ACOXL: variants seen among roughly 807,000 people sequenced by gnomAD.
The protein encoded by ACOXL is acyl-coenzyme A oxidase-like protein.
Under a neutral mutation model 71.9 loss-of-function variants are expected in ACOXL, and 70 were observed. The ratio of observed to expected loss-of-function variants is 0.97; its 90% CI spans 0.80 to 1.19. The LOEUF (loss-of-function observed/expected upper bound fraction) is 1.19. Ranked by LOEUF, ACOXL falls within the 50% of genes most tolerant of loss-of-function variation. The probability of loss-of-function intolerance (pLI) is 0.00; values close to 1 mark genes in which losing one functional copy is unlikely to be tolerated. For synonymous variants in ACOXL, 253 were observed against 281.6 expected (o/e 0.90, Z 1.02); for missense variants, 703 against 736.3 (o/e 0.95, Z 0.52).
intron 12 of ACOXL, among the ~76,000 whole-genome samples, chr2:110,976,064 G>A (rs933578169): frequency 7.2e-5 from 11 of 152,140 alleles, no homozygotes; most frequent in East Asian, 1.9e-4. Context: ...GGAGATTGGC[G>A]GGACCCATTG....
At chr2:110,787,683 G>C (rs558635146) in intron 3 of ACOXL, among the ~76,000 whole-genome samples, 2 of 152,180 alleles carry the variant, frequency 1.3e-5, no homozygotes, top group East Asian at 3.9e-4. Context: ...GTGTGGCCCT[G>C]GTCACATCTG....
chr2:110,819,117 A>G (rs1559304119), intron 9 of ACOXL, among the ~76,000 whole-genome samples: 1 of 152,174 alleles, frequency 6.6e-6, no homozygotes, highest in Non-Finnish European at 1.5e-5. Flanking sequence ...TTGCTGGAGC[A>G]TGTGTGGATG....
intron 1 of ACOXL, among the ~76,000 whole-genome samples, chr2:110,749,947 T>G (rs1257835480): frequency 6.6e-6 from 1 of 152,224 alleles, no homozygotes; most frequent in Non-Finnish European, 1.5e-5. Flanking sequence ...GTTTGTCAAA[T>G]GTCTCTCAAT....
chr2:111,099,231 GAGA>G (rs1210501952), intron 17 of ACOXL: 6 of 152,246 alleles, frequency 3.9e-5, no homozygotes, highest in African/African-American at 7.2e-5. Context: ...GGCCCCACAA[GAGA>G]AGGAGTTGGG....
intron 9 of ACOXL, among the ~76,000 whole-genome samples, chr2:110,836,575 C>G (rs547262557): frequency 2.0e-4 from 31 of 152,190 alleles, no homozygotes; most frequent in Admixed American, 2.0e-3. Context: ...GCCCTGTTTG[C>G]ATGGTATTCT....
At chr2:110,741,543 G>A (rs904684392) in intron 1 of ACOXL, among the ~76,000 whole-genome samples, 1 of 152,102 alleles carries the variant, frequency 6.6e-6, no homozygotes, top group South Asian at 2.1e-4. Context: ...GAAGTTACAC[G>A]TGCACCCGCG....
intron 10 of ACOXL, among the ~76,000 whole-genome samples, chr2:110,876,694 A>T (rs1695951230): frequency 6.6e-6 from 1 of 152,204 alleles, no homozygotes; most frequent in Admixed American, 6.5e-5. Context: ...ATGGCGACGA[A>T]TTTAACACAC....
At chr2:111,076,498 G>A (rs749995524) in intron 16 of ACOXL, among the ~76,000 whole-genome samples, 8 of 151,656 alleles carry the variant, frequency 5.3e-5, no homozygotes, top group Non-Finnish European at 1.0e-4. Context: ...TTATTTTTTG[G>A]TACACAACTT....
intron 9 of ACOXL, among the ~76,000 whole-genome samples, chr2:110,811,923 G>A (rs1687383928): frequency 1.3e-5 from 2 of 152,096 alleles, no homozygotes; most frequent in African/African-American, 4.8e-5. Flanking sequence ...TCTTGGACTT[G>A]ACCACCAGAG....
At position 110,841,381 on chromosome 2, in the gene ACOXL, C is replaced by A. The variant is rs1554005; in HGVS notation, c.764C>A (p.Thr255Lys). Residue 255 changes from threonine (T) to lysine (K), a missense_variant, in exon 10 of 18, where the codon ACG becomes AAG. Transcript: ENST00000439055. ...QAMGAMKLGL[T>K]IAIRYSHSRR... ...TCTTTTTAATTACAGCTTGGGTTGA[C>A]GATAGCCATTCGCTATAGCCACAGG... The A allele has an allele frequency of 3.7e-6, 6 of 1,606,212 alleles. No individual in the cohort carries two copies. In the African/African-American group the frequency reaches 5.4e-5, roughly 14 times the overall value.
chr2:110,969,509 T>C (rs2062082918), intron 12 of ACOXL, among the ~76,000 whole-genome samples: 2 of 152,038 alleles, frequency 1.3e-5, no homozygotes, highest in African/African-American at 2.4e-5. Flanking sequence ...GATCATGAAG[T>C]CATTAAAAAA....
At chr2:111,084,947 C>T (rs1191486239) in intron 16 of ACOXL, among the ~76,000 whole-genome samples, 1 of 142,374 alleles carries the variant, frequency 7.0e-6, no homozygotes, top group Non-Finnish European at 1.5e-5. Flanking sequence ...TCAGACAAAA[C>T]ATACTTTAAA....
intron 17 of ACOXL, among the ~76,000 whole-genome samples, 171 bp downstream of exon 17, chr2:111,093,137 G>C (rs920685592): frequency 6.6e-6 from 1 of 150,828 alleles, no homozygotes; most frequent in African/African-American, 2.4e-5. Flanking sequence ...ACACTTAAGA[G>C]TTTAGGTGAC....
intron 12 of ACOXL, among the ~76,000 whole-genome samples, chr2:110,977,411 A>G (rs536964192): frequency 6.6e-6 from 1 of 151,926 alleles, no homozygotes; most frequent in Admixed American, 6.6e-5. Context: ...AACACAAAAA[A>G]CTTCTCTCCT....
chr2:110,820,046 A>T (rs1688414421), intron 9 of ACOXL, among the ~76,000 whole-genome samples: 1 of 152,132 alleles, frequency 6.6e-6, no homozygotes. Context: ...CGTGCCTGAC[A>T]CTCAGGGGCT....
At chr2:110,946,426 A>G (rs1389689011) in intron 12 of ACOXL, among the ~76,000 whole-genome samples, 2 of 152,180 alleles carry the variant, frequency 1.3e-5, no homozygotes, top group African/African-American at 2.4e-5. Flanking sequence ...TATGCTGAAT[A>G]TAAGTGGTGA....
intron 9 of ACOXL, among the ~76,000 whole-genome samples, chr2:110,831,149 G>A (rs1689779596): frequency 6.6e-6 from 1 of 152,008 alleles, no homozygotes; most frequent in Non-Finnish European, 1.5e-5. Context: ...AATAAGGCAA[G>A]GAAAGGAAAT....
At chr2:110,851,790 C>A (rs980861596) in intron 10 of ACOXL, among the ~76,000 whole-genome samples, 2 of 152,246 alleles carry the variant, frequency 1.3e-5, no homozygotes, top group South Asian at 4.1e-4. Context: ...TCTCAACCAC[C>A]TGGAAAACTC....
At chr2:111,110,621 G>C (rs1358483920) in intron 17 of ACOXL, among the ~76,000 whole-genome samples, 2 of 152,190 alleles carry the variant, frequency 1.3e-5, no homozygotes, top group African/African-American at 4.8e-5. Context: ...GTTAGGCCCA[G>C]TCTTCTGTCC....
Sources: gnomAD v4.1 joint callset for allele counts (sites outside exome capture counted in the v4.1 genomes callset) on GRCh38, gnomAD v4.1.1 for gene constraint, MANE v1.5 for transcripts, NCBI Gene and HGNC (gene_info 2026-07-23, HGNC 2026-07-21) for gene names.